DNAJC11: variants seen among roughly 807,000 people sequenced by gnomAD.
DNAJC11 encodes the protein dnaJ homolog subfamily C member 11.
DNAJC11 carries 15 observed loss-of-function variants against 78.6 expected under a neutral mutation model. The ratio of observed to expected loss-of-function variants is 0.19; its 90% CI spans 0.13 to 0.29. The LOEUF is 0.29. DNAJC11 is among the 10% of genes least tolerant of loss of function. DNAJC11 has a pLI of 1.00. For synonymous variants in DNAJC11, 292 were observed against 272.1 expected, an observed-to-expected ratio of 1.07 and a Z score of -0.72; for missense variants, 547 against 709.6, an observed-to-expected ratio of 0.77 and a Z score of 2.60.
chr1:6,651,564 G>A lies in DNAJC11; in HGVS notation c.669C>T (p.Phe223=), dbSNP rs774369671. ...FGAGDLQGPL[F]GLKLFRNLTP... ...TGAGATTACGGAACAGCTTGAGACCGAACAAAGGCCCCTGTAGGTCTCCAG... is the reference window on the plus strand; with the variant it reads ...TGAGATTACGGAACAGCTTGAGACCAAACAAAGGCCCCTGTAGGTCTCCAG... Residue 223 remains phenylalanine (F), a synonymous_variant, in exon 7 of 16, where the codon TTC becomes TTT. Transcript: ENST00000377577. 6.2e-6 allele frequency: 10 copies of A among 1,613,946 alleles called. No homozygotes were observed. The highest frequency in any genetic ancestry group is 1.3e-5 in the African/African-American group (1 of 74,928).
chr1:6,695,764 C>T (rs1349392107), intron 1 of DNAJC11, among the ~76,000 whole-genome samples: 4 of 149,422 alleles, frequency 2.7e-5, no homozygotes, highest in South Asian at 2.1e-4. Context: ...GCTGAGATTG[C>T]GCCATTGCAC....
chr1:6,699,464 G>A (rs1258807652), intron 1 of DNAJC11, among the ~76,000 whole-genome samples: 2 of 152,112 alleles, frequency 1.3e-5, no homozygotes, highest in Non-Finnish European at 2.9e-5. Context: ...AGCTGCCTAC[G>A]GTTCAGTACG....
At position 6,677,052 on chromosome 1, in the gene DNAJC11, T is replaced by C. The variant is rs902530483; in HGVS notation, c.276+1342A>G. ...GCTGGGTGTAGTGGCGCATGCCTTG[T>C]AATCCCAGCTACTCAGGAAGGCTGA... On this transcript the variant is annotated intron_variant, in intron 3 of 15. Coordinates refer to ENST00000377577, the MANE Select transcript of DNAJC11 (RefSeq NM_018198.4). 1.3e-4 allele frequency among the ~76,000 whole-genome samples: 19 copies of C among 150,122 alleles called. 1 individual carries two copies. In the South Asian group the frequency reaches 4.0e-3, roughly 31 times the overall value.
chr1:6,698,436 C>T lies in DNAJC11; in HGVS notation c.72+3293G>A, dbSNP rs143637332. On this transcript the variant is annotated intron_variant, in intron 1 of 15. Coordinates refer to ENST00000377577, the MANE Select transcript of DNAJC11 (RefSeq NM_018198.4). ...TCCAGCAAATATCAAGTTCAGACATCACCTTCAGAGCTTCTAATGGAATCC... is the reference window on the plus strand; with the variant it reads ...TCCAGCAAATATCAAGTTCAGACATTACCTTCAGAGCTTCTAATGGAATCC... 2.0e-5 allele frequency among the ~76,000 whole-genome samples: 3 copies of T among 152,244 alleles called. No homozygotes were observed. In the East Asian group the frequency reaches 5.8e-4, roughly 29 times the overall value.
intron 4 of DNAJC11, among the ~76,000 whole-genome samples, chr1:6,658,003 C>G (rs1642157216): frequency 6.6e-6 from 1 of 152,096 alleles, no homozygotes; most frequent in African/African-American, 2.4e-5. Flanking sequence ...ACTTATGTTT[C>G]AAATCCTGTG....
rs760912755 is a variant in DNAJC11 at position 6,637,165 on chromosome 1, G to A, written c.1524+33C>T. ...GCGCCCAGCCTGTTCAAATCTGTGAGCACATAGCATGTGGTGGCTGGTGCT... is the reference window on the plus strand; with the variant it reads ...GCGCCCAGCCTGTTCAAATCTGTGAACACATAGCATGTGGTGGCTGGTGCT... On this transcript the variant is annotated intron_variant, in intron 14 of 15. Coordinates refer to ENST00000377577, the MANE Select transcript of DNAJC11 (RefSeq NM_018198.4). The A allele has an allele frequency of 6.2e-5, 100 of 1,613,140 alleles. 1 individual carries two copies. In the Admixed American group the frequency reaches 1.7e-3, roughly 27 times the overall value.
At chr1:6,673,859 C>G (rs1314460570) in intron 3 of DNAJC11, among the ~76,000 whole-genome samples, 1 of 152,164 alleles carries the variant, frequency 6.6e-6, no homozygotes, top group Non-Finnish European at 1.5e-5. Context: ...TACAGGCTGA[C>G]TTTCTCATAT....
At chr1:6,678,581 A>G (rs1557484208) in intron 2 of DNAJC11, 114 bp from the exon 3 acceptor site, 6 of 805,688 alleles carry the variant, frequency 7.4e-6, no homozygotes, top group Non-Finnish European at 1.2e-5. Context: ...TCTGATCACA[A>G]TCTTCCTAGA....
At chr1:6,687,471 C>T (rs1399274258) in intron 1 of DNAJC11, among the ~76,000 whole-genome samples, 2 of 151,598 alleles carry the variant, frequency 1.3e-5, no homozygotes, top group Non-Finnish European at 2.9e-5. Flanking sequence ...ATTCTCCTGC[C>T]TCAGCCTCTT....
intron 6 of DNAJC11, among the ~76,000 whole-genome samples, chr1:6,652,175 T>C (rs1255155015): frequency 6.6e-6 from 1 of 152,172 alleles, no homozygotes; most frequent in Non-Finnish European, 1.5e-5. Context: ...CAATGTTAAT[T>C]TGATGCAGCT....
chr1:6,674,033 T>C (rs887338464), intron 3 of DNAJC11, among the ~76,000 whole-genome samples: 1 of 152,236 alleles, frequency 6.6e-6, no homozygotes, highest in African/African-American at 2.4e-5. Flanking sequence ...GTGGTTTCCA[T>C]GGCAGTTGCC....
chr1:6,672,135 T>G (rs922868776), intron 3 of DNAJC11, among the ~76,000 whole-genome samples: 3 of 152,186 alleles, frequency 2.0e-5, no homozygotes, highest in Non-Finnish European at 4.4e-5. Context: ...GCACCCGGCC[T>G]GGATAGAAAT....
chr1:6,677,517 G>A (rs759377753), intron 3 of DNAJC11, among the ~76,000 whole-genome samples: 4 of 152,088 alleles, frequency 2.6e-5, no homozygotes, highest in Admixed American at 1.3e-4. Context: ...GGCTGGTCTC[G>A]AACTCCTGGC....
chr1:6,639,819 GCT>G, intron 11 of DNAJC11, 81 bp downstream of exon 11: 1 of 1,453,848 alleles, frequency 6.9e-7, no homozygotes, highest in East Asian at 2.4e-5. Context: ...GACGCAGGAG[GCT>G]CTGTTATCCT....
chr1:6,678,568 C>T, intron 2 of DNAJC11, 101 bp from the exon 3 acceptor site: 2 of 906,742 alleles, frequency 2.2e-6, no homozygotes, highest in African/African-American at 1.7e-5. Context: ...CCTGTTCTCC[C>T]TGTCTGATCA....
intron 3 of DNAJC11, among the ~76,000 whole-genome samples, chr1:6,676,250 GA>G (rs1642460910): frequency 1.3e-5 from 2 of 152,188 alleles, no homozygotes; most frequent in Non-Finnish European, 1.5e-5. Context: ...AGCCCCATCT[GA>G]AGGGCAAGGG....
intron 4 of DNAJC11, among the ~76,000 whole-genome samples, chr1:6,658,851 C>A (rs1350242384): frequency 6.6e-6 from 1 of 152,206 alleles, no homozygotes; most frequent in Non-Finnish European, 1.5e-5. Context: ...GCCCCCCTGG[C>A]CAGCAGATGT....
chr1:6,674,860 G>A (rs368164791), intron 3 of DNAJC11, among the ~76,000 whole-genome samples: 11 of 152,260 alleles, frequency 7.2e-5, no homozygotes, highest in African/African-American at 1.9e-4. Context: ...GATTAAAGGC[G>A]TCTCAGACAC....
At chr1:6,646,261 A>T (rs1641964195) in intron 7 of DNAJC11, among the ~76,000 whole-genome samples, 1 of 152,210 alleles carries the variant, frequency 6.6e-6, no homozygotes, top group Admixed American at 6.6e-5. Flanking sequence ...CAGCAGATGC[A>T]ACCCCACTCA....
Sources: allele counts gnomAD v4.1 joint callset (sites outside exome capture counted in the v4.1 genomes callset), GRCh38; gene constraint gnomAD v4.1.1; transcripts MANE v1.5; gene names NCBI Gene and HGNC (gene_info 2026-07-23, HGNC 2026-07-21).